NUP160: variants seen among roughly 807,000 people sequenced by gnomAD.
NUP160 encodes nuclear pore complex protein Nup160.
NUP160 carries 94 observed loss-of-function variants against 196.9 expected under a neutral mutation model. That is an observed-to-expected ratio of 0.48 (90% CI 0.40 to 0.57). NUP160 has a LOEUF of 0.57. Among genes scored for constraint, NUP160 ranks in the 20% least tolerant of loss-of-function variants. The pLI is 0.00. For synonymous variants in NUP160, 605 were observed against 619.7 expected, an observed-to-expected ratio of 0.98 and a Z score of 0.35; for missense variants, 1,638 against 1,748.3, an observed-to-expected ratio of 0.94 and a Z score of 1.13.
chr11:47,805,079 C>T (rs1246092359), intron 20 of NUP160, among the ~76,000 whole-genome samples: 1 of 152,024 alleles, frequency 6.6e-6, no homozygotes, highest in Non-Finnish European at 1.5e-5. Context: ...ACATCCAGCA[C>T]ATAACATGGT....
intron 27 of NUP160, among the ~76,000 whole-genome samples, chr11:47,794,803 T>A (rs2097669920): frequency 6.6e-6 from 1 of 151,910 alleles, no homozygotes; most frequent in Admixed American, 6.6e-5. Context: ...TCCCAGCTAC[T>A]CAGGAGTCTG....
chr11:47,808,282 CAAAACA>C (rs950886375), intron 18 of NUP160, 108 bp downstream of exon 18: 445 of 1,054,616 alleles, frequency 4.2e-4, no homozygotes, highest in African/African-American at 2.9e-3. Flanking sequence ...GACTCTGTCT[CAAAACA>C]AAAACAAAAA....
Position 47,803,553 on chromosome 11 carries a change from G to T in NUP160, c.2677-17C>A, listed in dbSNP as rs747410429. On this transcript the variant is annotated splice_polypyrimidine_tract_variant and intron_variant, in intron 21 of 35. Transcript: ENST00000378460. ...AATATAATCCTTAAAGGCATAAAAG[G>T]TGCTTTCTGATTAGAAAATAAATGT... The T allele has an allele frequency of 2.1e-6, 3 of 1,398,556 alleles. No individual in the cohort carries two copies. Among genetic ancestry groups the T allele is most frequent in the Non-Finnish European group, 2.0e-6 (2 of 984,664 alleles). The allele number at this position is 1,398,556 out of a possible 1,614,324, so 86.6% of individuals were successfully genotyped here. A position where few individuals can be genotyped will look rare whatever the true frequency, so the allele number is the denominator to read the frequency against.
intron 7 of NUP160, 120 bp downstream of exon 7, chr11:47,835,531 T>C: frequency 2.8e-6 from 2 of 709,040 alleles, no homozygotes; most frequent in Non-Finnish European, 4.3e-6. Context: ...AACCCAACCA[T>C]CACCTCAGAA....
chr11:47,792,153 G>A (rs539204787), intron 28 of NUP160, 163 bp from the exon 29 acceptor site: 2 of 558,388 alleles, frequency 3.6e-6, no homozygotes, highest in East Asian at 3.1e-5. Context: ...ATGAGACAAA[G>A]AAAGAAGTTC....
At chr11:47,788,509 G>A (rs2097666014) in exon 30 of NUP160, 1 of 1,612,934 alleles carries the variant, frequency 6.2e-7, no homozygotes, top group East Asian at 2.2e-5. Flanking sequence ...ACCAGCAACT[G>A]CAACCGCTGA....
At chr11:47,830,431 G>A (rs1242748237) in intron 7 of NUP160, among the ~76,000 whole-genome samples, 1 of 152,088 alleles carries the variant, frequency 6.6e-6, no homozygotes, top group Non-Finnish European at 1.5e-5. Context: ...TTACAGCACT[G>A]TTCACAATAG....
chr11:47,845,853 C>G (rs1565212787), intron 2 of NUP160, among the ~76,000 whole-genome samples: 1 of 152,068 alleles, frequency 6.6e-6, no homozygotes, highest in Non-Finnish European at 1.5e-5. Flanking sequence ...AAAAATCAGG[C>G]TGGACACGGT....
chr11:47,846,127 C>G (rs1053788606), intron 2 of NUP160, among the ~76,000 whole-genome samples: 8 of 146,772 alleles, frequency 5.5e-5, no homozygotes, highest in African/African-American at 1.5e-4. Flanking sequence ...TGGAGCCAGA[C>G]TGTCTCTCAA....
At chr11:47,824,635 A>C (rs1851932484) in intron 7 of NUP160, among the ~76,000 whole-genome samples, 2 of 151,792 alleles carry the variant, frequency 1.3e-5, no homozygotes, top group African/African-American at 2.4e-5. Flanking sequence ...AATAAAAAAC[A>C]AACTTATTTA....
At chr11:47,817,351 T>C (rs570214174) in intron 11 of NUP160, among the ~76,000 whole-genome samples, 33 of 150,996 alleles carry the variant, frequency 2.2e-4, no homozygotes, top group African/African-American at 7.8e-4. Context: ...ACTTTTTTTT[T>C]TTTTTTTTTT....
At chr11:47,816,315 T>C (rs2097684437) in intron 11 of NUP160, among the ~76,000 whole-genome samples, 1 of 152,166 alleles carries the variant, frequency 6.6e-6, no homozygotes, top group Non-Finnish European at 1.5e-5. Context: ...AGTGACAAAG[T>C]GGTCAGTGGA....
chr11:47,829,733 A>G (rs1041269630), intron 7 of NUP160, among the ~76,000 whole-genome samples: 1 of 152,236 alleles, frequency 6.6e-6, no homozygotes, highest in Non-Finnish European at 1.5e-5. Context: ...TGGATTAAAG[A>G]CTTAAACATA....
At chr11:47,806,253 T>C in exon 20 of NUP160, 1 of 1,613,638 alleles carries the variant, frequency 6.2e-7, no homozygotes. Flanking sequence ...AGGTGAGATA[T>C]AATGTGTTTT....
At chr11:47,806,860 T>TAC (rs2097678064) in intron 19 of NUP160, among the ~76,000 whole-genome samples, 2 of 144,018 alleles carry the variant, frequency 1.4e-5, no homozygotes, top group Admixed American at 6.9e-5. Flanking sequence ...CACATATATA[T>TAC]ACCATATCCT....
chr11:47,812,215 A>C, exon 17 of NUP160: 1 of 1,614,176 alleles, frequency 6.2e-7, no homozygotes, highest in African/African-American at 1.3e-5. Context: ...TCGAATATTC[A>C]AAGGCTGAGC....
At chr11:47,799,859 A>G (rs963595431) in intron 23 of NUP160, among the ~76,000 whole-genome samples, 1 of 152,154 alleles carries the variant, frequency 6.6e-6, no homozygotes, top group Non-Finnish European at 1.5e-5. Flanking sequence ...TGGACCTGGA[A>G]AATTCTTATC....
At chr11:47,813,104 G>T in intron 14 of NUP160, 57 bp from the exon 15 acceptor site, 1 of 1,238,680 alleles carries the variant, frequency 8.1e-7, no homozygotes, top group South Asian at 1.3e-5. Flanking sequence ...TCTATTGATT[G>T]ATATTACATT....
intron 34 of NUP160, among the ~76,000 whole-genome samples, chr11:47,782,408 C>A (rs2097661961): frequency 1.4e-5 from 2 of 142,576 alleles, no homozygotes; most frequent in Non-Finnish European, 3.0e-5. Flanking sequence ...TTCCAATAAA[C>A]CCACTATCAG....
Sources: gnomAD v4.1 joint callset for allele counts (sites outside exome capture counted in the v4.1 genomes callset) on GRCh38, gnomAD v4.1.1 for gene constraint, MANE v1.5 for transcripts, NCBI Gene and HGNC (gene_info 2026-07-23, HGNC 2026-07-21) for gene names.